Variants in EYS observed in about 807,000 individuals in gnomAD.
EYS encodes the protein EGF-like photoreceptor maintenance factor, also known as protein eyes shut homolog.
Under a neutral mutation model 282.1 loss-of-function variants are expected in EYS, and 250 were observed. The ratio of observed to expected loss-of-function variants is 0.89; its 90% CI spans 0.80 to 0.98. EYS has a LOEUF of 0.98. Ranked by LOEUF, EYS falls within the 50% of genes least tolerant of loss-of-function variation. The probability of loss-of-function intolerance (pLI) is 0.00; values close to 1 mark genes in which losing one functional copy is unlikely to be tolerated. For missense variants in EYS, 4,016 were observed against 3,709.0 expected (o/e 1.08, Z -2.15); for synonymous variants, 1,355 against 1,282.9 (o/e 1.06, Z -1.20).
chr6:64,172,211 C>CT (rs539097418), intron 31 of EYS, among the ~76,000 whole-genome samples: 2,485 of 148,770 alleles, frequency 0.017, 46 homozygotes, highest in Non-Finnish European at 0.021. Flanking sequence ...TCTTTGTCAT[C>CT]TTTTTTTTTT....
intron 26 of EYS, among the ~76,000 whole-genome samples, chr6:64,554,756 TGGACAATATATGAA>T (rs1365242312): frequency 6.6e-6 from 1 of 151,784 alleles, no homozygotes; most frequent in Non-Finnish European, 1.5e-5. Flanking sequence ...GACATACAAA[TGGACAATATATGAA>T]AAAATGTTTA....
intron 27 of EYS, 113 bp from the exon 28 acceptor site, chr6:64,436,378 C>A: frequency 1.6e-6 from 1 of 609,156 alleles, no homozygotes; most frequent in African/African-American, 1.9e-5. Context: ...TTTGGAGAGA[C>A]ATGAAGTTTG....
rs113849925 is a variant in EYS at position 65,451,838 on chromosome 6, T to C, written c.862+38756A>G. On this transcript the variant is annotated intron_variant, in intron 5 of 42. Coordinates refer to ENST00000503581, the MANE Select transcript of EYS (RefSeq NM_001142800.2). ...ACATTTTATCTTTATAAATATTGAT[T>C]CCAAATTAAAGTGTCTAATTTTTTA... Among the ~76,000 whole-genome samples, 856 of 152,036 alleles carry C rather than the reference T, an allele frequency of 5.6e-3. 12 individuals are homozygous for C. Among genetic ancestry groups the C allele is most frequent in the African/African-American group, 0.019 (808 of 41,548 alleles).
intron 8 of EYS, among the ~76,000 whole-genome samples, chr6:65,379,873 A>G (rs1314249354): frequency 1.3e-5 from 2 of 151,830 alleles, no homozygotes; most frequent in African/African-American, 2.4e-5. Flanking sequence ...GAGAATTGCT[A>G]CAAAGAGAAT....
rs968045466 is a variant in EYS at position 64,068,658 on chromosome 6, A to AAT, written c.6572-2169_6572-2168dup. ...GTACCCTAGAATTTAAAGTATAATA[A>AAT]ATATATATATATAAAAAGAATTATT... is the stretch of plus-strand genomic sequence containing the variant. On this transcript the variant is annotated intron_variant, in intron 32 of 42. Coordinates refer to ENST00000503581, the MANE Select transcript of EYS (RefSeq NM_001142800.2). Among the ~76,000 whole-genome samples the AAT allele has an allele frequency of 2.5e-4, 38 of 151,432 alleles. No homozygotes were observed. In the East Asian group the frequency reaches 2.9e-3, roughly 12 times the overall value.
chr6:65,164,764 C>T (rs912759839), intron 12 of EYS, among the ~76,000 whole-genome samples: 7 of 151,212 alleles, frequency 4.6e-5, no homozygotes, highest in East Asian at 2.0e-4. Context: ...GAAAAAGAGT[C>T]GGTTTCACGG....
At chr6:64,509,779 T>C (rs1028637057) in intron 26 of EYS, among the ~76,000 whole-genome samples, 5 of 152,166 alleles carry the variant, frequency 3.3e-5, no homozygotes, top group Non-Finnish European at 7.4e-5. Context: ...ATGTGTGTGA[T>C]ATTTTCAATA....
chr6:64,697,674 T>A (rs974577840), intron 22 of EYS, among the ~76,000 whole-genome samples: 22 of 152,190 alleles, frequency 1.4e-4, no homozygotes, highest in African/African-American at 5.1e-4. Context: ...CCAGACACGG[T>A]GGCTCATGCC....
intron 36 of EYS, among the ~76,000 whole-genome samples, chr6:63,826,845 C>CAAAAAAAAAAA (rs59957107): frequency 2.6e-5 from 2 of 76,762 alleles, no homozygotes; most frequent in Non-Finnish European, 2.5e-5. Context: ...AGTTAAAAAG[C>CAAAAAAAAAAA]AAAAAAAAAA....
chr6:65,209,701 C>A (rs956389200), intron 12 of EYS, among the ~76,000 whole-genome samples: 1 of 151,838 alleles, frequency 6.6e-6, no homozygotes, highest in African/African-American at 2.4e-5. Context: ...AAGTGCAATG[C>A]GTTACAAGAA....
chr6:64,292,707 G>GA (rs1768759748), intron 30 of EYS, among the ~76,000 whole-genome samples: 1 of 151,890 alleles, frequency 6.6e-6, no homozygotes, highest in African/African-American at 2.4e-5. Context: ...TTGCTTTTTG[G>GA]AAAAATTCAG....
chr6:64,454,413 C>T (rs1207696008), intron 26 of EYS, among the ~76,000 whole-genome samples: 1 of 152,066 alleles, frequency 6.6e-6, no homozygotes, highest in African/African-American at 2.4e-5. Context: ...ATGCAAGCAT[C>T]CTATTAAGTT....
rs540682557 is a variant in EYS at position 64,133,140 on chromosome 6, T to TAA, written c.6425-51140_6425-51139dup. ...AGGAAGGAATAATTAGTATTTTTTG[T>TAA]AACAAAAAAGGATACAAATCTAATT... On this transcript the variant is annotated intron_variant, in intron 31 of 42. Transcript: ENST00000503581. Among the ~76,000 whole-genome samples, 759 of 152,140 alleles carry TAA rather than the reference T, an allele frequency of 5.0e-3. 6 individuals are homozygous for TAA. Among genetic ancestry groups the TAA allele is most frequent in the African/African-American group, 0.017 (724 of 41,506 alleles).
intron 14 of EYS, among the ~76,000 whole-genome samples, chr6:64,967,452 G>C (rs1198691894): frequency 6.6e-6 from 1 of 151,858 alleles, no homozygotes; most frequent in Non-Finnish European, 1.5e-5. Flanking sequence ...AGCCTCCCAA[G>C]TAACTGGAAT....
chr6:64,274,839 G>GT (rs1048131233), intron 30 of EYS, among the ~76,000 whole-genome samples: 4 of 151,914 alleles, frequency 2.6e-5, no homozygotes, highest in African/African-American at 4.8e-5. Context: ...CCTGGCCATC[G>GT]TAAGTGTTCA....
chr6:64,854,692 T>C (rs1022404167), intron 19 of EYS, among the ~76,000 whole-genome samples: 1 of 151,878 alleles, frequency 6.6e-6, no homozygotes, highest in Non-Finnish European at 1.5e-5. Context: ...TGTATACATA[T>C]GTAACTAACC....
At chr6:64,087,246 A>T (rs925056623) in intron 31 of EYS, among the ~76,000 whole-genome samples, 2 of 152,170 alleles carry the variant, frequency 1.3e-5, no homozygotes, top group Admixed American at 6.5e-5. Context: ...CATTCAACAA[A>T]CATCTATCAA....
chr6:63,891,678 A>T lies in EYS; in HGVS notation c.7056-27320T>A, dbSNP rs150540453. On this transcript the variant is annotated intron_variant, in intron 35 of 42. Transcript: ENST00000503581. ...CATTCCCTTTGAAAACCGGCACAAG[A>T]CAAGGATGCTCTCTTTCACCATTCC... Among the ~76,000 whole-genome samples the T allele has an allele frequency of 7.2e-5, 11 of 152,328 alleles. No homozygotes were observed. The East Asian group carries it at 1.7e-3, about 24-fold the overall frequency.
intron 33 of EYS, 34 bp from the exon 34 acceptor site, chr6:63,999,217 G>C (rs1168909806): frequency 7.0e-7 from 1 of 1,430,154 alleles, no homozygotes; most frequent in East Asian, 2.5e-5. Context: ...ATTATGATAT[G>C]TGTTTTTGGC....
Sources: gnomAD v4.1 joint callset for allele counts (sites outside exome capture counted in the v4.1 genomes callset) on GRCh38, gnomAD v4.1.1 for gene constraint, MANE v1.5 for transcripts, NCBI Gene and HGNC (gene_info 2026-07-23, HGNC 2026-07-21) for gene names.